The following LAMTOR3 variants were observed in gnomAD, a reference collection of about 807,000 sequenced individuals.
The protein encoded by LAMTOR3 is ragulator complex protein LAMTOR3.
Under a neutral mutation model 20.3 loss-of-function variants are expected in LAMTOR3, and 14 were observed. That is an observed-to-expected ratio of 0.69 (90% CI 0.46 to 1.08). The LOEUF (loss-of-function observed/expected upper bound fraction) is 1.08, where lower values mean the gene tolerates loss of function less well. Among genes scored for constraint, LAMTOR3 ranks in the 50% least tolerant of loss-of-function variants. The pLI, the probability that LAMTOR3 is intolerant of heterozygous loss-of-function variation, is 0.00. For missense variants in LAMTOR3, 125 were observed against 143.7 expected (o/e 0.87, Z 0.67); for synonymous variants, 40 against 49.4 (o/e 0.81, Z 0.80).
In LAMTOR3 at chr4:99,878,386, T is replaced by C. The variant is rs1724750575; in HGVS notation, c.*3608A>G. ...ACAACTTTCTTCCCCAAATATCCCA[T>C]TTTATTGTTTGTTGAAATATTTTAT... On this transcript the variant is annotated 3_prime_UTR_variant, in exon 7 of 7. Coordinates refer to ENST00000499666, the MANE Select transcript of LAMTOR3 (RefSeq NM_021970.4). 6.6e-6 allele frequency: 1 copy of C among 152,212 alleles called. No individual in the cohort carries two copies. Among genetic ancestry groups the C allele is most frequent in the East Asian group, 1.9e-4 (1 of 5,198 alleles). The allele number at this position is 152,212 out of a possible 1,614,324, so 9.4% of individuals were successfully genotyped here.
At chr4:99,891,150 A>C (rs1725014823) in intron 3 of LAMTOR3, among the ~76,000 whole-genome samples, 1 of 152,206 alleles carries the variant, frequency 6.6e-6, no homozygotes. Context: ...TAAATCACTA[A>C]GACTTCTAAG....
rs1270696897 is a variant in LAMTOR3, at chr4:99,880,242, T to C, written c.*1752A>G. The C allele has an allele frequency of 6.6e-6, 1 of 152,066 alleles. No homozygotes were observed. The highest frequency in any genetic ancestry group is 1.5e-5 in the Non-Finnish European group (1 of 68,014). 9.4% of individuals were successfully genotyped at this position (152,066 alleles called of 1,614,324 possible). The stretch of plus-strand genomic sequence containing the variant: ...GAACTCTAAGTTCTTTAAAGTAAGG[T>C]ATCACAAATTAATCTCATATTTACA... On this transcript the variant is annotated 3_prime_UTR_variant, in exon 7 of 7. Transcript: ENST00000499666.
chr4:99,881,987 T>C lies in LAMTOR3; in HGVS notation c.*7A>G. On this transcript the variant is annotated 3_prime_UTR_variant, in exon 7 of 7. Transcript: ENST00000499666. ...AAGATAAGGTACACACTGAAACCAC[T>C]GTCAGATTAAGAAACTTCCACAACT... is the stretch of plus-strand genomic sequence containing the variant. The C allele has an allele frequency of 5.7e-6, 9 of 1,588,952 alleles. No homozygotes were observed. Among genetic ancestry groups the C allele is most frequent in the Non-Finnish European group, 7.8e-6 (9 of 1,160,416 alleles).
intron 3 of LAMTOR3, among the ~76,000 whole-genome samples, chr4:99,890,531 C>A (rs965030290): frequency 7.9e-5 from 12 of 151,968 alleles, no homozygotes; most frequent in Admixed American, 2.6e-4. Context: ...CATAAATGTT[C>A]AAAACATTAT....
rs887711810 is a variant in LAMTOR3, at chr4:99,878,582, C to G, written c.*3412G>C. The G allele has an allele frequency of 6.6e-6, 1 of 152,154 alleles. No homozygotes were observed. The allele number at this position is 152,154 out of a possible 1,614,324, so 9.4% of individuals were successfully genotyped here. A position where few individuals can be genotyped will look rare whatever the true frequency, so the allele number is the denominator to read the frequency against. ...GTCTTCAGAGACAGTCTACCATATA[C>G]AAACAAATAGGAATACATACACATT... On this transcript the variant is annotated 3_prime_UTR_variant, in exon 7 of 7. Transcript: ENST00000499666.
At chr4:99,893,869 G>T in intron 2 of LAMTOR3, 86 bp downstream of exon 2, 6 of 1,112,204 alleles carry the variant, frequency 5.4e-6, no homozygotes, top group Non-Finnish European at 7.4e-6. Context: ...ACAAATTTCT[G>T]TTTGGGAAGT....
At chr4:99,892,713 T>C (rs1266670552) in intron 2 of LAMTOR3, among the ~76,000 whole-genome samples, 2 of 150,912 alleles carry the variant, frequency 1.3e-5, no homozygotes, top group African/African-American at 4.9e-5. Context: ...AGTTTCGCTC[T>C]TGTTGTCCAG....
chr4:99,885,420 T>G, intron 5 of LAMTOR3, 122 bp downstream of exon 5: 1 of 772,178 alleles, frequency 1.3e-6, no homozygotes, highest in East Asian at 3.1e-5. Context: ...AAGGCTAAAA[T>G]TTTACAATTT....
chr4:99,881,717 A>T lies in LAMTOR3; in HGVS notation c.*277T>A, dbSNP rs1025820855. 1.4e-5 allele frequency: 5 copies of T among 353,056 alleles called. No homozygotes were observed. Among genetic ancestry groups the T allele is most frequent in the Admixed American group, 4.5e-5 (1 of 22,260 alleles). 21.9% of individuals were successfully genotyped at this position (353,056 alleles called of 1,614,324 possible). A position where few individuals can be genotyped will look rare whatever the true frequency, so the allele number is the denominator to read the frequency against. ...ATCCACTGAATAGAATCTCTCATCC[A>T]TATCTGGTGACCAGACTAACTCCAT... is the stretch of plus-strand genomic sequence containing the variant. On this transcript the variant is annotated 3_prime_UTR_variant, in exon 7 of 7. Coordinates refer to ENST00000499666, the MANE Select transcript of LAMTOR3 (RefSeq NM_021970.4).
intron 3 of LAMTOR3, among the ~76,000 whole-genome samples, chr4:99,889,717 TAA>T (rs1248955309): frequency 6.6e-6 from 1 of 152,166 alleles, no homozygotes; most frequent in African/African-American, 2.4e-5. Context: ...GTTCTTCAGT[TAA>T]GTCTTGAATC....
intron 3 of LAMTOR3, 42 bp from the exon 4 acceptor site, chr4:99,887,396 A>G: frequency 1.0e-6 from 1 of 971,346 alleles, no homozygotes; most frequent in Non-Finnish European, 1.4e-6. Context: ...AAGTTAAAAT[A>G]TAAAATTTTA....
intron 3 of LAMTOR3, among the ~76,000 whole-genome samples, 160 bp downstream of exon 3, chr4:99,891,840 G>A (rs905217669): frequency 1.3e-5 from 2 of 152,184 alleles, no homozygotes; most frequent in Non-Finnish European, 2.9e-5. Flanking sequence ...GAAAGCGGTT[G>A]TGACGAAAAT....
intron 6 of LAMTOR3, 44 bp from the exon 7 acceptor site, chr4:99,882,111 C>G: frequency 1.6e-6 from 2 of 1,214,584 alleles, no homozygotes; most frequent in East Asian, 2.5e-5. Context: ...GAAAAATGTT[C>G]CTCAAAGCCT....
chr4:99,893,960 C>G lies in LAMTOR3; in HGVS notation c.4G>C (p.Ala2Pro), dbSNP rs1185849720. Residue 2 changes from alanine to proline, a missense_variant, in exon 2 of 7, where the codon GCG (alanine) becomes CCG (proline). Physicochemically the swap from Ala to Pro is conservative, Grantham distance 27. Around this residue, in one of 3 missense-constraint regions of LAMTOR3, gnomAD observed 99 missense variants for 96.0 expected, o/e 1.03. Transcript: ENST00000499666. The stretch of plus-strand genomic sequence containing the variant: ...TATGTAGGGGTGTCACTCACATCCG[C>G]CATGATGAACCCCCTTCTCTCGCAG... M[A>P]DDLKRFLYKK... The G allele has an allele frequency of 1.3e-6, 2 of 1,546,790 alleles. No individual in the cohort carries two copies. The highest frequency in any genetic ancestry group is 1.8e-6 in the Non-Finnish European group (2 of 1,142,400).
chr4:99,887,277 T>A lies in LAMTOR3; in HGVS notation c.103+19A>T. The A allele has an allele frequency of 6.6e-7, 1 of 1,510,270 alleles. No individual in the cohort carries two copies. The highest frequency in any genetic ancestry group is 9.0e-7 in the Non-Finnish European group (1 of 1,108,944). 93.6% of individuals were successfully genotyped at this position (1,510,270 alleles called of 1,614,324 possible). On this transcript the variant is annotated intron_variant, in intron 4 of 6. Coordinates refer to ENST00000499666, the MANE Select transcript of LAMTOR3 (RefSeq NM_021970.4). The stretch of plus-strand genomic sequence containing the variant: ...GTCAAAAGCAAAGAAGACATTTGCA[T>A]TTAAATGTTCAGTTTTACCTTTAAT...
chr4:99,891,802 T>C (rs1725027475), intron 3 of LAMTOR3, among the ~76,000 whole-genome samples, 198 bp downstream of exon 3: 2 of 152,116 alleles, frequency 1.3e-5, no homozygotes, highest in South Asian at 4.1e-4. Context: ...GAGAACTCAG[T>C]GAAGGCAAAC....
At chr4:99,884,606 T>C (rs1047922914) in intron 5 of LAMTOR3, among the ~76,000 whole-genome samples, 2 of 152,176 alleles carry the variant, frequency 1.3e-5, no homozygotes, top group Non-Finnish European at 2.9e-5. Context: ...TCCTTATTGA[T>C]GAAATTAAAG....
Position 99,884,122 on chromosome 4 carries a change from C to T in LAMTOR3, c.241G>A (p.Val81Ile), listed in dbSNP as rs1724876505. ...IICYYNTYQV[V>I]QFNRLPLVVS... ...ACCAAAGGTAAACGATTAAATTGAACCACCTAAAAAGAAAATAAGAGCCAA... is the reference window on the plus strand; with the variant it reads ...ACCAAAGGTAAACGATTAAATTGAATCACCTAAAAAGAAAATAAGAGCCAA... Residue 81 changes from valine to isoleucine, a missense_variant, in exon 6 of 7, where the codon GTT (valine) becomes ATT (isoleucine). Transcript: ENST00000499666. 1 of 1,611,050 alleles carries T rather than the reference C, an allele frequency of 6.2e-7. No homozygotes were observed. Among genetic ancestry groups the T allele is most frequent in the Non-Finnish European group, 8.5e-7 (1 of 1,177,992 alleles).
chr4:99,885,794 T>C (rs1004534221), intron 4 of LAMTOR3, 119 bp from the exon 5 acceptor site: 55 of 833,514 alleles, frequency 6.6e-5, no homozygotes, highest in Non-Finnish European at 9.6e-5. Flanking sequence ...TTTCACAATA[T>C]TGAAAATCAT....
Sources: gnomAD v4.1 joint callset for allele counts (sites outside exome capture counted in the v4.1 genomes callset) on GRCh38, gnomAD v4.1.1 for gene constraint, gnomAD v4.1.1 regional missense constraint, MANE v1.5 for transcripts, NCBI Gene and HGNC (gene_info 2026-07-23, HGNC 2026-07-21) for gene names.